KIAA0825: variants seen among roughly 807,000 people sequenced by gnomAD.
KIAA0825 encodes uncharacterized protein KIAA0825.
In KIAA0825, 119 loss-of-function variants were observed where a neutral mutation model predicts 147.6. The observed-to-expected ratio is 0.81, with a 90% CI of 0.69 to 0.94. The LOEUF (loss-of-function observed/expected upper bound fraction) is 0.94, where lower values mean the gene tolerates loss of function less well. Ranked by LOEUF, KIAA0825 falls within the 40% of genes least tolerant of loss-of-function variation. KIAA0825 has a pLI of 0.00. For synonymous variants in KIAA0825, 470 were observed against 518.1 expected (o/e 0.91, Z 1.26); for missense variants, 1,381 against 1,472.7 (o/e 0.94, Z 1.02).
intron 20 of KIAA0825, among the ~76,000 whole-genome samples, chr5:94,367,238 C>T (rs897828361): frequency 1.3e-5 from 2 of 152,000 alleles, no homozygotes; most frequent in South Asian, 4.2e-4. Flanking sequence ...AATAGGGGCC[C>T]GTAATCCCAG....
intron 5 of KIAA0825, among the ~76,000 whole-genome samples, chr5:94,492,424 T>C (rs1336223629): frequency 6.6e-6 from 1 of 152,222 alleles, no homozygotes; most frequent in African/African-American, 2.4e-5. Context: ...CCAAGCCAGG[T>C]CAGGGTTTTG....
At chr5:94,546,840 G>A (rs1259988817) in intron 2 of KIAA0825, among the ~76,000 whole-genome samples, 1 of 143,896 alleles carries the variant, frequency 6.9e-6, no homozygotes, top group Non-Finnish European at 1.5e-5. Context: ...AGACCATCCA[G>A]GAAAACATGA....
At chr5:94,302,162 C>A (rs1206103602) in intron 20 of KIAA0825, among the ~76,000 whole-genome samples, 1 of 152,018 alleles carries the variant, frequency 6.6e-6, no homozygotes, top group African/African-American at 2.4e-5. Context: ...AGATGACAGT[C>A]CAAATACAGT....
chr5:94,396,528 G>GAAAAC lies in KIAA0825; in HGVS notation c.2888-20_2888-19insGTTTT. The GAAAAC allele has an allele frequency of 6.8e-7, 1 of 1,463,472 alleles. No homozygotes were observed. The highest frequency in any genetic ancestry group is 9.0e-7 in the Non-Finnish European group (1 of 1,107,992). 90.7% of individuals were successfully genotyped at this position (1,463,472 alleles called of 1,614,324 possible). On this transcript the variant is annotated intron_variant, in intron 16 of 20. Coordinates refer to ENST00000682413, the MANE Select transcript of KIAA0825 (RefSeq NM_001145678.3). ...GTGAAGCCTGGGGAAGAAAAGAAAA[G>GAAAAC]GTATGATTAATATTAGCATTTGCGT...
At chr5:94,250,596 AC>A (rs1775899437) in intron 20 of KIAA0825, among the ~76,000 whole-genome samples, 1 of 152,148 alleles carries the variant, frequency 6.6e-6, no homozygotes, top group Admixed American at 6.6e-5. Context: ...ATGTTAGATT[AC>A]AAAGCCTCCT....
At chr5:94,453,149 T>C in intron 12 of KIAA0825, 80 bp from the exon 13 acceptor site, 1 of 728,590 alleles carries the variant, frequency 1.4e-6, no homozygotes, top group South Asian at 1.9e-5. Context: ...GATTTTTACT[T>C]AGGATTCAGT....
At chr5:94,176,850 A>G (rs1769149377) in intron 20 of KIAA0825, among the ~76,000 whole-genome samples, 1 of 152,148 alleles carries the variant, frequency 6.6e-6, no homozygotes, top group Non-Finnish European at 1.5e-5. Context: ...CTGCTGAGAT[A>G]TGCTGCATCT....
At chr5:94,324,559 C>T (rs1780500456) in intron 20 of KIAA0825, among the ~76,000 whole-genome samples, 1 of 151,980 alleles carries the variant, frequency 6.6e-6, no homozygotes, top group Admixed American at 6.6e-5. Context: ...TGCTACACAA[C>T]AGAGGAATTG....
At chr5:94,579,127 G>A (rs1455389137) in intron 2 of KIAA0825, among the ~76,000 whole-genome samples, 1 of 152,074 alleles carries the variant, frequency 6.6e-6, no homozygotes, top group African/African-American at 2.4e-5. Context: ...TCACTATGTT[G>A]GCCAGGCTTG....
intron 2 of KIAA0825, among the ~76,000 whole-genome samples, chr5:94,545,589 C>T (rs1485707282): frequency 6.6e-6 from 1 of 152,126 alleles, no homozygotes; most frequent in African/African-American, 2.4e-5. Flanking sequence ...TCCTAGATGA[C>T]ATTTCTAGAC....
At chr5:94,359,135 G>A (rs564520726) in intron 20 of KIAA0825, among the ~76,000 whole-genome samples, 1 of 152,244 alleles carries the variant, frequency 6.6e-6, no homozygotes, top group South Asian at 2.1e-4. Flanking sequence ...TTTTCAAATT[G>A]TGATATAAAT....
chr5:94,474,454 C>T (rs1207906768), intron 7 of KIAA0825, among the ~76,000 whole-genome samples: 1 of 152,106 alleles, frequency 6.6e-6, no homozygotes, highest in East Asian at 1.9e-4. Context: ...GACTGAATCA[C>T]TTATTTTTCT....
intron 20 of KIAA0825, among the ~76,000 whole-genome samples, chr5:94,265,802 A>G (rs1776718061): frequency 2.0e-5 from 3 of 152,216 alleles, no homozygotes; most frequent in Non-Finnish European, 4.4e-5. Flanking sequence ...CTCCATCTCA[A>G]AACAAGCAAA....
In KIAA0825 at chr5:94,369,758, G is replaced by A. The variant is rs12188335; in HGVS notation, c.3710+14610C>T. 1.4e-3 allele frequency among the ~76,000 whole-genome samples: 217 copies of A among 152,200 alleles called. 2 individuals carry two copies. The highest frequency in any genetic ancestry group is 2.6e-3 in the Non-Finnish European group (177 of 68,002). On this transcript the variant is annotated intron_variant, in intron 20 of 20. Transcript: ENST00000682413. ...AAACCAAAGACTCGTATATAGACAC[G>A]ATCTCATTTCAGAATAACTGAGGGA... is the stretch of plus-strand genomic sequence containing the variant.
chr5:94,187,035 G>A (rs569519337), intron 20 of KIAA0825, among the ~76,000 whole-genome samples: 3 of 152,232 alleles, frequency 2.0e-5, no homozygotes, highest in East Asian at 1.9e-4. Context: ...TTCTTGAGCC[G>A]AAGAATAAAC....
At chr5:94,566,771 C>T (rs557818333) in intron 2 of KIAA0825, among the ~76,000 whole-genome samples, 5 of 152,100 alleles carry the variant, frequency 3.3e-5, no homozygotes, top group African/African-American at 1.2e-4. Flanking sequence ...AGGTGATAAG[C>T]TACTTGGTAA....
At chr5:94,544,088 G>C (rs979316466) in intron 2 of KIAA0825, among the ~76,000 whole-genome samples, 1 of 152,094 alleles carries the variant, frequency 6.6e-6, no homozygotes, top group African/African-American at 2.4e-5. Flanking sequence ...TCTTTCTTGT[G>C]CAAGATCCAA....
chr5:94,363,957 G>A lies in KIAA0825; in HGVS notation c.3710+20411C>T, dbSNP rs566683752. Reference sequence around the variant, plus strand: ...CAGAAAGTTCTATAAGCAAAAGAAAGTCACTTCAAAACAATAAATTTAGAC... The same window carrying A: ...CAGAAAGTTCTATAAGCAAAAGAAAATCACTTCAAAACAATAAATTTAGAC... On this transcript the variant is annotated intron_variant, in intron 20 of 20. Transcript: ENST00000682413. Among the ~76,000 whole-genome samples, 11 of 152,126 alleles carry A rather than the reference G, an allele frequency of 7.2e-5. No individual in the cohort carries two copies. In the South Asian group the frequency reaches 2.3e-3, roughly 32 times the overall value.
At chr5:94,469,325 C>G (rs1234066405) in intron 10 of KIAA0825, among the ~76,000 whole-genome samples, 2 of 152,070 alleles carry the variant, frequency 1.3e-5, no homozygotes, top group African/African-American at 4.8e-5. Flanking sequence ...CATGCACCAC[C>G]ACACCCAGCT....
Sources: allele counts gnomAD v4.1 joint callset (sites outside exome capture counted in the v4.1 genomes callset), GRCh38; gene constraint gnomAD v4.1.1; transcripts MANE v1.5; gene names NCBI Gene and HGNC (gene_info 2026-07-23, HGNC 2026-07-21).